Variants in NCK2 observed in about 807,000 individuals in gnomAD.
NCK2 encodes cytoplasmic protein NCK2.
NCK2 carries 16 observed loss-of-function variants against 33.9 expected under a neutral mutation model. The observed-to-expected ratio is 0.47, with a 90% CI of 0.32 to 0.72. The LOEUF is 0.72. NCK2 is among the 30% of genes least tolerant of loss of function. The pLI, the probability that NCK2 is intolerant of heterozygous loss-of-function variation, is 0.03. For synonymous variants in NCK2, 273 were observed against 239.9 expected, an observed-to-expected ratio of 1.14 and a Z score of -1.27; for missense variants, 418 against 537.3, an observed-to-expected ratio of 0.78 and a Z score of 2.19.
intron 1 of NCK2, among the ~76,000 whole-genome samples, chr2:105,809,352 A>C (rs1191955530): frequency 1.3e-5 from 2 of 152,174 alleles, no homozygotes; most frequent in Non-Finnish European, 2.9e-5. Flanking sequence ...CTTACACAGC[A>C]ATTTATGCCC....
intron 4 of NCK2, among the ~76,000 whole-genome samples, chr2:105,884,273 T>C (rs1457932250): frequency 5.3e-5 from 8 of 152,182 alleles, no homozygotes; most frequent in African/African-American, 1.9e-4. Context: ...TCCCCATGTG[T>C]TTTCCTGCTC....
chr2:105,853,458 A>G (rs779433416), intron 2 of NCK2, among the ~76,000 whole-genome samples: 2 of 152,220 alleles, frequency 1.3e-5, no homozygotes, highest in Non-Finnish European at 2.9e-5. Context: ...TAACAAATGT[A>G]TAATGACAGG....
In NCK2 at chr2:105,767,577, AG is replaced by A. The variant is rs547111378; in HGVS notation, c.-201+22440del. On this transcript the variant is annotated intron_variant, in intron 1 of 4. Coordinates refer to ENST00000233154, the MANE Select transcript of NCK2 (RefSeq NM_003581.5). ...CCCAGCTGGGCTCATTCATTTCCAC[AG>A]CATCTGTGGCTGCCCCATGTTGCAA... Among the ~76,000 whole-genome samples the A allele has an allele frequency of 2.9e-3, 436 of 152,328 alleles. 4 individuals carry two copies. The highest frequency in any genetic ancestry group is 0.01 in the African/African-American group (425 of 41,576).
intron 2 of NCK2, among the ~76,000 whole-genome samples, chr2:105,833,324 G>T (rs752414000): frequency 2.0e-5 from 3 of 151,950 alleles, no homozygotes; most frequent in Non-Finnish European, 2.9e-5. Context: ...CTCGAACTCC[G>T]GGCCTCAGGT....
intron 1 of NCK2, among the ~76,000 whole-genome samples, chr2:105,789,125 C>T (rs1166500250): frequency 2.6e-5 from 4 of 152,156 alleles, no homozygotes; most frequent in African/African-American, 9.7e-5. Flanking sequence ...CTGGGACCCT[C>T]GGCTCCCATA....
At chr2:105,778,788 T>A (rs1352792538) in intron 1 of NCK2, among the ~76,000 whole-genome samples, 1 of 152,118 alleles carries the variant, frequency 6.6e-6, no homozygotes, top group Non-Finnish European at 1.5e-5. Context: ...AGTGGTGTGA[T>A]CATAGCTCGC....
chr2:105,785,323 G>T (rs1199436587), intron 1 of NCK2, among the ~76,000 whole-genome samples: 1 of 152,168 alleles, frequency 6.6e-6, no homozygotes, highest in Non-Finnish European at 1.5e-5. Context: ...GTGTGTCCAA[G>T]TGTAAAAAGA....
At chr2:105,891,084 A>G (rs972624438) in intron 4 of NCK2, among the ~76,000 whole-genome samples, 5 of 152,152 alleles carry the variant, frequency 3.3e-5, no homozygotes, top group African/African-American at 1.2e-4. Context: ...TCAGCTCCAC[A>G]TTGTCCAGAG....
At chr2:105,872,379 C>T (rs1443635875) in intron 3 of NCK2, among the ~76,000 whole-genome samples, 3 of 152,152 alleles carry the variant, frequency 2.0e-5, no homozygotes, top group Non-Finnish European at 2.9e-5. Flanking sequence ...TGCTCACAGC[C>T]GTGGTGTAGC....
intron 3 of NCK2, among the ~76,000 whole-genome samples, chr2:105,863,677 C>T (rs1420407962): frequency 6.6e-6 from 1 of 152,112 alleles, no homozygotes; most frequent in Non-Finnish European, 1.5e-5. Flanking sequence ...CCTTCCTGTC[C>T]AATGGGAAAC....
intron 2 of NCK2, among the ~76,000 whole-genome samples, chr2:105,838,778 C>CCA (rs1676529568): frequency 6.6e-6 from 1 of 152,154 alleles, no homozygotes; most frequent in Non-Finnish European, 1.5e-5. Flanking sequence ...GGCCTTTCAT[C>CCA]CACTCTCTCT....
chr2:105,753,906 T>C (rs1479440980), intron 1 of NCK2, among the ~76,000 whole-genome samples: 1 of 152,198 alleles, frequency 6.6e-6, no homozygotes, highest in Non-Finnish European at 1.5e-5. Context: ...AGTCCAAATG[T>C]AGATTCTTGG....
At chr2:105,772,158 C>T (rs1690155767) in intron 1 of NCK2, among the ~76,000 whole-genome samples, 1 of 151,094 alleles carries the variant, frequency 6.6e-6, no homozygotes, top group Non-Finnish European at 1.5e-5. Context: ...GCAGTTTCCA[C>T]CGGTGTCTTC....
chr2:105,889,567 ATTTC>A (rs1359631481), intron 4 of NCK2, among the ~76,000 whole-genome samples: 91 of 117,410 alleles, frequency 7.8e-4, no homozygotes, highest in African/African-American at 2.5e-3. Context: ...GAGAATTTGC[ATTTC>A]TTTTTTTTTT....
chr2:105,815,696 G>A (rs535816179), intron 1 of NCK2, among the ~76,000 whole-genome samples: 5 of 152,318 alleles, frequency 3.3e-5, no homozygotes, highest in Admixed American at 2.0e-4. Context: ...CTTGAAACTA[G>A]GGGTGCTTTT....
At position 105,792,352 on chromosome 2, in the gene NCK2, T is replaced by A. The variant is rs375926977; in HGVS notation, c.-200-24078T>A. Among the ~76,000 whole-genome samples, 47 of 152,344 alleles carry A rather than the reference T, an allele frequency of 3.1e-4. 1 individual carries two copies. The highest frequency in any genetic ancestry group is 1.1e-3 in the African/African-American group (46 of 41,586). The stretch of plus-strand genomic sequence containing the variant: ...TTGCCCAGCTTCAGCAGTTATCAAT[T>A]AATGGCCAATCCTTTATCTAAGCCC... On this transcript the variant is annotated intron_variant, in intron 1 of 4. Coordinates refer to ENST00000233154, the MANE Select transcript of NCK2 (RefSeq NM_003581.5).
At chr2:105,779,662 G>A (rs555079650) in intron 1 of NCK2, among the ~76,000 whole-genome samples, 124 of 152,298 alleles carry the variant, frequency 8.1e-4, no homozygotes, top group Middle Eastern at 3.4e-3. Context: ...GGAGACGTAT[G>A]CAGGTGGAGG....
At chr2:105,748,865 C>G (rs755101911) in intron 1 of NCK2, among the ~76,000 whole-genome samples, 8 of 152,146 alleles carry the variant, frequency 5.3e-5, no homozygotes, top group Non-Finnish European at 1.2e-4. Flanking sequence ...TATTGGGGCT[C>G]TAGCCTCCCA....
chr2:105,889,932 C>T (rs950552010), intron 4 of NCK2, among the ~76,000 whole-genome samples: 2 of 152,138 alleles, frequency 1.3e-5, no homozygotes, highest in African/African-American at 4.8e-5. Context: ...GCTCATGCTG[C>T]TGGTCTTGAG....
Sources: gnomAD v4.1 joint callset for allele counts (sites outside exome capture counted in the v4.1 genomes callset) on GRCh38, gnomAD v4.1.1 for gene constraint, MANE v1.5 for transcripts, NCBI Gene and HGNC (gene_info 2026-07-23, HGNC 2026-07-21) for gene names.